Variants in FMO5 observed in about 807,000 individuals in gnomAD.
FMO5 encodes flavin containing dimethylaniline monoxygenase 5.
Under a neutral mutation model 43.6 loss-of-function variants are expected in FMO5, and 51 were observed. The observed-to-expected ratio is 1.17, with a 90% CI of 0.93 to 1.48. FMO5 has a LOEUF of 1.48. Among genes scored for constraint, FMO5 ranks in the 40% most tolerant of loss-of-function variants. The pLI is 0.00. For synonymous variants in FMO5, 187 were observed against 216.5 expected (o/e 0.86, Z 1.20); for missense variants, 644 against 643.0 (o/e 1.00, Z -0.02).
intron 2 of FMO5, among the ~76,000 whole-genome samples, 156 bp from the exon 3 acceptor site, chr1:147,216,098 A>G (rs1661948398): frequency 1.3e-5 from 2 of 152,238 alleles, no homozygotes; most frequent in African/African-American, 2.4e-5. Context: ...CTTCCCCTTG[A>G]ATCTCAGTTA....
chr1:147,186,636 C>T lies in FMO5; in HGVS notation c.*264G>A, dbSNP rs1331554200. 9.7e-6 allele frequency: 12 copies of T among 1,240,724 alleles called. No individual in the cohort carries two copies. The highest frequency in any genetic ancestry group is 1.2e-5 in the Non-Finnish European group (12 of 987,982). The allele number at this position is 1,240,724 out of a possible 1,614,324, so 76.9% of individuals were successfully genotyped here. Reference sequence around the variant, plus strand: ...TGTCAAGAACTCTGCTAAAGACATACAAAGATGACTAAAAGAGTACCTGAG... The same window carrying T: ...TGTCAAGAACTCTGCTAAAGACATATAAAGATGACTAAAAGAGTACCTGAG... On this transcript the variant is annotated 3_prime_UTR_variant, in exon 9 of 9. Transcript: ENST00000254090.
intron 6 of FMO5, chr1:147,204,083 G>T (rs1346981553): frequency 7.2e-6 from 8 of 1,109,204 alleles, no homozygotes; most frequent in Middle Eastern, 2.0e-4. Flanking sequence ...ACCAGTATCA[G>T]CAATAGCTTT....
intron 7 of FMO5, among the ~76,000 whole-genome samples, chr1:147,191,577 G>T (rs1425635941): frequency 6.6e-6 from 1 of 151,890 alleles, no homozygotes; most frequent in Non-Finnish European, 1.5e-5. Flanking sequence ...GTAGATTCTG[G>T]ATATTAGCCC....
chr1:147,224,888 T>A lies in FMO5; in HGVS notation c.135+7A>T. ...TCAAGTATTAAGGGACTAGGAGATG[T>A]ATGTACCTGGAACCTCCAGAGCCCT... On this transcript the variant is annotated splice_region_variant and intron_variant, in intron 2 of 8. Coordinates refer to ENST00000254090, the MANE Select transcript of FMO5 (RefSeq NM_001461.4). The A allele has an allele frequency of 6.2e-7, 1 of 1,613,624 alleles. No individual in the cohort carries two copies. The highest frequency in any genetic ancestry group is 8.5e-7 in the Non-Finnish European group (1 of 1,179,602).
At position 147,201,471 on chromosome 1, in the gene FMO5, G is replaced by T. The variant is rs782007251; in HGVS notation, c.864C>A (p.Asp288Glu). 2 of 1,613,916 alleles carry T rather than the reference G, an allele frequency of 1.2e-6. No individual in the cohort carries two copies. Among genetic ancestry groups the T allele is most frequent in the African/African-American group, 1.3e-5 (1 of 74,904 alleles). ...ALSQHPTLND[D>E]LPNRIISGLV... The stretch of plus-strand genomic sequence containing the variant: ...AGCCAGAAATGATACGATTTGGCAG[G>T]TCATCATTTAAGGTTGGATGCTGAC... Residue 288 changes from aspartate (D) to glutamate (E), a missense_variant, in exon 7 of 9, where the codon GAC (aspartate) becomes GAA (glutamate). Coordinates refer to ENST00000254090, the MANE Select transcript of FMO5 (RefSeq NM_001461.4).
chr1:147,184,308 C>CT, downstream of FMO5: 1 of 516,658 alleles, frequency 1.9e-6, no homozygotes, highest in Non-Finnish European at 3.0e-6. The surrounding 1 kb of genome is among the most constrained non-coding windows in gnomAD (Gnocchi z 4.4). Context: ...TCTCATGTAC[C>CT]CCACATCCAA....
At chr1:147,208,732 C>A (rs188783192) in intron 6 of FMO5, 120 bp downstream of exon 6, 2 of 788,508 alleles carry the variant, frequency 2.5e-6, no homozygotes, top group South Asian at 3.3e-5. Flanking sequence ...AGCCACCATG[C>A]CCAGCCACTG....
At chr1:147,222,023 A>C (rs1442109062) in intron 2 of FMO5, among the ~76,000 whole-genome samples, 1 of 152,170 alleles carries the variant, frequency 6.6e-6, no homozygotes, top group African/African-American at 2.4e-5. Flanking sequence ...CTATACACTG[A>C]TTATATTTCC....
rs1377312097 is a variant in FMO5, at chr1:147,225,032, T to G, written c.-3A>C. On this transcript the variant is annotated 5_prime_UTR_variant, in exon 2 of 9. Transcript: ENST00000254090. ...ACAGCAATTCTTTTCTTAGTCATGG[T>G]CTCCCGAGATCTTCACCTGTTAGTG... 1 of 1,482,836 alleles carries G rather than the reference T, an allele frequency of 6.7e-7. No homozygotes were observed. The highest frequency in any genetic ancestry group is 9.0e-7 in the Non-Finnish European group (1 of 1,114,048). The allele number at this position is 1,482,836 out of a possible 1,614,324, so 91.9% of individuals were successfully genotyped here.
intron 4 of FMO5, 50 bp downstream of exon 4, chr1:147,213,258 T>C (rs782534253): frequency 6.9e-7 from 1 of 1,457,000 alleles, no homozygotes; most frequent in Non-Finnish European, 9.2e-7. Context: ...TCCTCAGGGG[T>C]CAGGTCACAG....
At position 147,224,903 on chromosome 1, in the gene FMO5, T is replaced by G; in HGVS notation, c.127A>C (p.Arg43=). 1 of 1,613,968 alleles carries G rather than the reference T, an allele frequency of 6.2e-7. No individual in the cohort carries two copies. The highest frequency in any genetic ancestry group is 8.5e-7 in the Non-Finnish European group (1 of 1,179,970). Residue 43 remains arginine (R), a synonymous_variant, in exon 2 of 9, where the codon AGG becomes CGG. Coordinates refer to ENST00000254090, the MANE Select transcript of FMO5 (RefSeq NM_001461.4). ...CTAGGAGATGTATGTACCTGGAACC[T>G]CCAGAGCCCTCCGATGTCATCAGTC... ...ERTDDIGGLW[R]FQENPEEGRA...
intron 7 of FMO5, among the ~76,000 whole-genome samples, chr1:147,200,439 C>T (rs1349142713): frequency 6.6e-6 from 1 of 152,160 alleles, no homozygotes; most frequent in Non-Finnish European, 1.5e-5. Context: ...CGCACTCCAG[C>T]TTCACTTTTA....
chr1:147,216,295 A>G (rs1414240282), intron 2 of FMO5, among the ~76,000 whole-genome samples: 1 of 152,192 alleles, frequency 6.6e-6, no homozygotes, highest in East Asian at 1.9e-4. Flanking sequence ...GTCCAGCCTC[A>G]CCACATGAAG....
intron 8 of FMO5, among the ~76,000 whole-genome samples, chr1:147,189,532 C>T (rs1370775450): frequency 2.0e-5 from 3 of 152,136 alleles, no homozygotes; most frequent in Non-Finnish European, 2.9e-5. Context: ...GATTGTGTCT[C>T]TCAGTTTTCC....
At chr1:147,223,936 C>G (rs1663525692) in intron 2 of FMO5, 2 of 373,130 alleles carry the variant, frequency 5.4e-6, no homozygotes, top group Non-Finnish European at 1.0e-5. Context: ...AAGGGGATAC[C>G]CCCATCGAGA....
At chr1:147,222,055 C>T (rs1347946054) in intron 2 of FMO5, among the ~76,000 whole-genome samples, 1 of 152,180 alleles carries the variant, frequency 6.6e-6, no homozygotes, top group African/African-American at 2.4e-5. Context: ...AAGGCTCACA[C>T]ATTTGAGCAG....
At chr1:147,199,984 G>A (rs1345886973) in intron 7 of FMO5, among the ~76,000 whole-genome samples, 1 of 152,072 alleles carries the variant, frequency 6.6e-6, no homozygotes, top group African/African-American at 2.4e-5. Flanking sequence ...TTCTTCTTTA[G>A]AAGGACCCTT....
intron 6 of FMO5, chr1:147,203,909 T>G (rs1553921628): frequency 1.3e-6 from 2 of 1,556,790 alleles, no homozygotes; most frequent in Non-Finnish European, 8.9e-7. Flanking sequence ...TCCCATTTCT[T>G]CAAGGACAGG....
At chr1:147,219,977 T>G (rs1553925900) in intron 2 of FMO5, among the ~76,000 whole-genome samples, 1 of 151,958 alleles carries the variant, frequency 6.6e-6, no homozygotes, top group African/African-American at 2.4e-5. Context: ...TAACTGGGAC[T>G]ACAGGCGCAT....
Sources: gnomAD v4.1 joint callset for allele counts (sites outside exome capture counted in the v4.1 genomes callset) on GRCh38, gnomAD v4.1.1 for gene constraint, Gnocchi (gnomAD v3.1) non-coding constraint, MANE v1.5 for transcripts, NCBI Gene and HGNC (gene_info 2026-07-23, HGNC 2026-07-21) for gene names.